The following TBC1D24 variants were observed in gnomAD, a reference collection of about 807,000 sequenced individuals.
The protein encoded by TBC1D24 is Infantile myoclonic epilepsy.
A neutral mutation model predicts 50.7 loss-of-function variants in TBC1D24; 47 were observed. The observed-to-expected ratio is 0.93, with a 90% CI of 0.73 to 1.18. TBC1D24 has a LOEUF of 1.18. Among genes scored for constraint, TBC1D24 ranks in the 50% most tolerant of loss-of-function variants. The pLI is 0.00. For missense variants in TBC1D24, 688 were observed against 766.5 expected (o/e 0.90, Z 1.21); for synonymous variants, 324 against 335.2 (o/e 0.97, Z 0.36).
At chr16:2,476,002 T>G (rs2065565173) in intron 1 of TBC1D24, among the ~76,000 whole-genome samples, 1 of 152,182 alleles carries the variant, frequency 6.6e-6, no homozygotes, top group South Asian at 2.1e-4. Flanking sequence ...GCTGTTAGGT[T>G]GGTGGCTGTG....
At position 2,497,021 on chromosome 16, in the gene TBC1D24, C is replaced by T. The variant is rs980163982; in HGVS notation, c.873C>T (p.Ala291=). The change falls in exon 2 of 8, where the codon GCC becomes GCT. Residue 291 remains alanine (A), a synonymous_variant. Coordinates refer to ENST00000646147, the MANE Select transcript of TBC1D24 (RefSeq NM_001199107.2). The part of the protein sequence containing the change: ...SPEKLLEKAF[A]IRLFSRKEIQ... ...AGAAGCTGCTGGAGAAAGCGTTCGC[C>T]ATCCGCCTCTTCTCCCGCAAGGAGA... The T allele has an allele frequency of 8.7e-6, 14 of 1,613,656 alleles. No homozygotes were observed. Among genetic ancestry groups the T allele is most frequent in the Middle Eastern group, 1.6e-4 (1 of 6,084 alleles).
chr16:2,494,938 A>T (rs2065725076), intron 1 of TBC1D24, among the ~76,000 whole-genome samples: 1 of 151,746 alleles, frequency 6.6e-6, no homozygotes, highest in Admixed American at 6.6e-5. Context: ...TAATTCCAGC[A>T]TGGTGGGAAG....
chr16:2,476,178 C>T (rs1033672917), intron 1 of TBC1D24, among the ~76,000 whole-genome samples: 43 of 152,176 alleles, frequency 2.8e-4, no homozygotes, highest in Admixed American at 2.5e-3. Flanking sequence ...CAGAAGGAAC[C>T]GTCCCATTAT....
At position 2,501,031 on chromosome 16, in the gene TBC1D24, G is replaced by A. The variant is rs1415652836; in HGVS notation, c.*73G>A. 6.3e-7 allele frequency: 1 copy of A among 1,582,488 alleles called. No individual in the cohort carries two copies. Among genetic ancestry groups the A allele is most frequent in the African/African-American group, 1.3e-5 (1 of 74,626 alleles). On this transcript the variant is annotated 3_prime_UTR_variant, in exon 8 of 8. Transcript: ENST00000646147. Reference sequence around the variant, plus strand: ...CTGGGCTGCCGCCTCGGGCAGCAGAGAGCAGATGAAACCCCCATGTGGTAG... The same window carrying A: ...CTGGGCTGCCGCCTCGGGCAGCAGAAAGCAGATGAAACCCCCATGTGGTAG...
chr16:2,492,531 G>A (rs2065703946), intron 1 of TBC1D24, among the ~76,000 whole-genome samples: 1 of 152,144 alleles, frequency 6.6e-6, no homozygotes, highest in African/African-American at 2.4e-5. Flanking sequence ...AAACAGGATG[G>A]GCCTGGAGTT....
rs2065775575 is a variant in TBC1D24 at position 2,499,825 on chromosome 16, T to G, written c.1207-10T>G. 3.1e-6 allele frequency: 5 copies of G among 1,612,866 alleles called. No individual in the cohort carries two copies. The South Asian group carries it at 3.3e-5, about 11-fold the overall frequency. ...CTGCGGGCACAGCCTCACCCAGACC[T>G]TTCCCCCAGGTGTGTGGTGCTTACC... is the stretch of plus-strand genomic sequence containing the variant. On this transcript the variant is annotated splice_polypyrimidine_tract_variant and intron_variant, in intron 5 of 7. Transcript: ENST00000646147. This position sits in a 1 kb window ranked among gnomAD's most constrained non-coding sequence, Gnocchi z 4.0.
chr16:2,496,273 G>A lies in TBC1D24; in HGVS notation c.125G>A (p.Gly42Asp). 6.2e-7 allele frequency: 1 copy of A among 1,613,782 alleles called. No homozygotes were observed. Among genetic ancestry groups the A allele is most frequent in the Non-Finnish European group, 8.5e-7 (1 of 1,180,028 alleles). ...LQELKQLARQ[G>D]YWAQSHALRG... ...GAACTGAAGCAGCTGGCGCGCCAGG[G>A]CTACTGGGCCCAAAGCCACGCCCTG... Residue 42 changes from glycine (G) to aspartate (D), a missense_variant, in exon 2 of 8, where the codon GGC becomes GAC. Transcript: ENST00000646147.
In TBC1D24 at chr16:2,498,460, G is replaced by A. The variant is rs1412569899; in HGVS notation, c.1142+64G>A. The A allele has an allele frequency of 6.0e-6, 9 of 1,490,942 alleles. No homozygotes were observed. The South Asian group carries it at 8.6e-5, about 14-fold the overall frequency. 92.4% of individuals were successfully genotyped at this position (1,490,942 alleles called of 1,614,324 possible). ...CCAGCCACGTGTCCTGCCCACAGAG[G>A]CTGGAAATGGGCCTCAAACCTCGGC... On this transcript the variant is annotated intron_variant, in intron 4 of 7. Coordinates refer to ENST00000646147, the MANE Select transcript of TBC1D24 (RefSeq NM_001199107.2).
rs977397636 is a variant in TBC1D24 at position 2,499,268 on chromosome 16, G to A, written c.1143-89G>A. On this transcript the variant is annotated intron_variant, in intron 4 of 7. Transcript: ENST00000646147. This position sits in a 1 kb window ranked among gnomAD's most constrained non-coding sequence, Gnocchi z 4.0. ...AAGGAAGCACAGTTCCCAGGTCTTC[G>A]CCCCAAGACAGCTGGGGCCAGCGGA... 3.7e-5 allele frequency: 46 copies of A among 1,231,936 alleles called. 1 individual carries two copies. The Middle Eastern group carries it at 5.5e-4, about 15-fold the overall frequency. 76.3% of individuals were successfully genotyped at this position (1,231,936 alleles called of 1,614,324 possible). A position where few individuals can be genotyped will look rare whatever the true frequency, so the allele number is the denominator to read the frequency against.
At position 2,499,387 on chromosome 16, in the gene TBC1D24, T is replaced by C. The variant is rs540638951; in HGVS notation, c.1173T>C (p.Pro391=). The C allele has an allele frequency of 1.2e-6, 2 of 1,613,632 alleles. No individual in the cohort carries two copies. The highest frequency in any genetic ancestry group is 2.2e-5 in the South Asian group (2 of 90,984). ...ACTTCCAGTGTGAAGGACATGAGCC[T>C]ACCCTCTTGCTCATCAAGACCACGC... ...RFYFQCEGHE[P]TLLLIKTTQK... is the part of the protein sequence containing the mutation. The change falls in exon 5 of 8, where the codon CCT becomes CCC. Residue 391 remains proline (P), a synonymous_variant. Transcript: ENST00000646147. The surrounding 1 kb of genome is among the most constrained non-coding windows in gnomAD (Gnocchi z 4.0).
Position 2,482,800 on chromosome 16 carries a change from G to A in TBC1D24, c.-116+7630G>A, listed in dbSNP as rs1216911728. ...AGGGTGGGCTCCATTGGAGAGACAGGCACGGGCGGTGGAGGAGCAGCCGCG... is the reference window on the plus strand; with the variant it reads ...AGGGTGGGCTCCATTGGAGAGACAGACACGGGCGGTGGAGGAGCAGCCGCG... On this transcript the variant is annotated intron_variant, in intron 1 of 7. Coordinates refer to ENST00000646147, the MANE Select transcript of TBC1D24 (RefSeq NM_001199107.2). This position sits in a 1 kb window ranked among gnomAD's most constrained non-coding sequence, Gnocchi z 5.2. Among the ~76,000 whole-genome samples, 1 of 152,166 alleles carries A rather than the reference G, an allele frequency of 6.6e-6. No homozygotes were observed. The highest frequency in any genetic ancestry group is 1.9e-4 in the East Asian group (1 of 5,186).
At chr16:2,490,265 G>A (rs529451507) in intron 1 of TBC1D24, among the ~76,000 whole-genome samples, 1 of 152,274 alleles carries the variant, frequency 6.6e-6, no homozygotes, top group African/African-American at 2.4e-5. Context: ...CAAGGCTGAG[G>A]ACCAAAGACA....
In TBC1D24 at chr16:2,500,128, C is replaced by T; in HGVS notation, c.1303-140C>T. ...CAGGGGGCTTCATCTGCTCGAGCCACCAGCTCCCCAGCCCCTGGCTCGGGC... is the reference window on the plus strand; with the variant it reads ...CAGGGGGCTTCATCTGCTCGAGCCATCAGCTCCCCAGCCCCTGGCTCGGGC... On this transcript the variant is annotated intron_variant, in intron 6 of 7. Coordinates refer to ENST00000646147, the MANE Select transcript of TBC1D24 (RefSeq NM_001199107.2). The surrounding 1 kb of genome is among the most constrained non-coding windows in gnomAD (Gnocchi z 8.0). 4.1e-6 allele frequency: 4 copies of T among 985,164 alleles called. No individual in the cohort carries two copies. Among genetic ancestry groups the T allele is most frequent in the South Asian group, 1.4e-5 (1 of 71,618 alleles). The allele number at this position is 985,164 out of a possible 1,614,324, so 61.0% of individuals were successfully genotyped here.
intron 4 of TBC1D24, among the ~76,000 whole-genome samples, 179 bp downstream of exon 4, chr16:2,498,575 G>T (rs561215716): frequency 6.6e-6 from 1 of 152,354 alleles, no homozygotes; most frequent in East Asian, 1.9e-4. Flanking sequence ...AGACTTTGGG[G>T]GTCATGGCAG....
chr16:2,502,731 G>GA lies in TBC1D24; in HGVS notation c.*1774dup, dbSNP rs1464038446. On this transcript the variant is annotated 3_prime_UTR_variant, in exon 8 of 8. Transcript: ENST00000646147. ...GGATGGGGTGAATCCCTCTCACGGG[G>GA]AGAGGTATGGGAGGGAAGTCGCCAC... is the stretch of plus-strand genomic sequence containing the variant. 1 of 152,960 alleles carries GA rather than the reference G, an allele frequency of 6.5e-6. No individual in the cohort carries two copies. Among genetic ancestry groups the GA allele is most frequent in the Non-Finnish European group, 1.5e-5 (1 of 68,104 alleles). 9.5% of individuals were successfully genotyped at this position (152,960 alleles called of 1,614,324 possible). A position where few individuals can be genotyped will look rare whatever the true frequency, so the allele number is the denominator to read the frequency against.
chr16:2,479,091 CTT>C (rs1157657059), intron 1 of TBC1D24: 4 of 152,154 alleles, frequency 2.6e-5, no homozygotes, highest in Non-Finnish European at 5.9e-5. Context: ...CGGGGTCTCA[CTT>C]TGTTGCCCAG....
chr16:2,478,884 T>C (rs2065589310), intron 1 of TBC1D24: 1 of 151,142 alleles, frequency 6.6e-6, no homozygotes, highest in East Asian at 1.9e-4. Context: ...TAGACTTTTT[T>C]CTTTTTTTTT....
In TBC1D24 at chr16:2,475,594, A is replaced by T. The variant is rs1284259892; in HGVS notation, c.-116+424A>T. Among the ~76,000 whole-genome samples, 1 of 151,810 alleles carries T rather than the reference A, an allele frequency of 6.6e-6. No individual in the cohort carries two copies. ...GATACGCCCTGCCCTGTGGACCTGC[A>T]GCGGCCCCGGGCCCCGCCCCGCCCC... On this transcript the variant is annotated intron_variant, in intron 1 of 7. Transcript: ENST00000646147. This position sits in a 1 kb window ranked among gnomAD's most constrained non-coding sequence, Gnocchi z 4.2.
Position 2,505,240 on chromosome 16 carries a change from T to C in TBC1D24, c.*4282T>C, listed in dbSNP as rs976806693. The C allele has an allele frequency of 6.6e-6, 1 of 152,234 alleles. No individual in the cohort carries two copies. Among genetic ancestry groups the C allele is most frequent in the African/African-American group, 2.4e-5 (1 of 41,458 alleles). 9.4% of individuals were successfully genotyped at this position (152,234 alleles called of 1,614,324 possible). A position where few individuals can be genotyped will look rare whatever the true frequency, so the allele number is the denominator to read the frequency against. Reference sequence around the variant, plus strand: ...CTATCTTCATCATCTTAGTATCAGATTGTGCTTGAGAAGTTAGGTACAATG... The same window carrying C: ...CTATCTTCATCATCTTAGTATCAGACTGTGCTTGAGAAGTTAGGTACAATG... On this transcript the variant is annotated 3_prime_UTR_variant, in exon 8 of 8. Transcript: ENST00000646147.
Sources: allele counts gnomAD v4.1 joint callset (sites outside exome capture counted in the v4.1 genomes callset), GRCh38; gene constraint gnomAD v4.1.1; non-coding constraint Gnocchi (gnomAD v3.1); transcripts MANE v1.5; gene names NCBI Gene and HGNC (gene_info 2026-07-23, HGNC 2026-07-21).